USP1: variants seen among roughly 807,000 people sequenced by gnomAD.
USP1 encodes the protein ubiquitin specific peptidase 1.
A neutral mutation model predicts 72.2 loss-of-function variants in USP1; 18 were observed. The ratio of observed to expected loss-of-function variants is 0.25; its 90% CI spans 0.17 to 0.37. The LOEUF is 0.37. Ranked by LOEUF, USP1 falls within the 10% of genes least tolerant of loss-of-function variation. The probability of loss-of-function intolerance (pLI) is 1.00; values close to 1 mark genes in which losing one functional copy is unlikely to be tolerated. For synonymous variants in USP1, 354 were observed against 303.7 expected (o/e 1.17, Z -1.72); for missense variants, 759 against 884.9 (o/e 0.86, Z 1.81).
chr1:62,443,243 G>C lies in USP1; in HGVS notation c.481G>C (p.Ala161Pro). 6.2e-7 allele frequency: 1 copy of C among 1,614,016 alleles called. No individual in the cohort carries two copies. ...AATCATTTCGGTTGAACAGCTCCAGGCTAGTTTTCTCTTAAATCCAGAGAA... is the reference window on the plus strand; with the variant it reads ...AATCATTTCGGTTGAACAGCTCCAGCCTAGTTTTCTCTTAAATCCAGAGAA... ...SLIISVEQLQ[A>P]SFLLNPEKYT... Residue 161 changes from alanine to proline, a missense_variant, in exon 5 of 9, where the codon GCT becomes CCT. Coordinates refer to ENST00000339950, the MANE Select transcript of USP1 (RefSeq NM_003368.5).
At chr1:62,447,304 A>G in intron 6 of USP1, 37 bp from the exon 7 acceptor site, 1 of 1,568,478 alleles carries the variant, frequency 6.4e-7, no homozygotes, top group Non-Finnish European at 8.6e-7. Flanking sequence ...TGAGAAACTA[A>G]TCTGTATAGA....
intron 7 of USP1, among the ~76,000 whole-genome samples, chr1:62,447,753 T>C (rs951718705): frequency 2.0e-5 from 3 of 152,142 alleles, no homozygotes; most frequent in African/African-American, 7.2e-5. Flanking sequence ...ATAAGTGTAC[T>C]TTTGGGAACC....
intron 6 of USP1, among the ~76,000 whole-genome samples, chr1:62,445,724 A>G (rs1645167367): frequency 2.6e-5 from 4 of 152,188 alleles, no homozygotes; most frequent in South Asian, 4.1e-4. Context: ...CGCACCTGCA[A>G]TCCCAGTACT....
In USP1 at chr1:62,445,224, A is replaced by G; in HGVS notation, c.1044A>G (p.Gln348=). Residue 348 remains glutamine, a synonymous_variant, in exon 6 of 9, where the codon CAA becomes CAG. Coordinates refer to ENST00000339950, the MANE Select transcript of USP1 (RefSeq NM_003368.5). The part of the protein sequence containing the change: ...KINWLKSATK[Q]PSILSKFCSL... Reference sequence around the variant, plus strand: ...ATTGGTTAAAGTCTGCAACTAAGCAACCCAGCATTCTTTCTAAATTTTGTA... The same window carrying G: ...ATTGGTTAAAGTCTGCAACTAAGCAGCCCAGCATTCTTTCTAAATTTTGTA... The G allele has an allele frequency of 1.2e-6, 2 of 1,612,786 alleles. No individual in the cohort carries two copies. The highest frequency in any genetic ancestry group is 1.7e-6 in the Non-Finnish European group (2 of 1,179,702).
rs1235903414 is a variant in USP1, at chr1:62,450,722, A to G, written c.2099A>G (p.Asn700Ser). Residue 700 changes from asparagine (N) to serine (S), a missense_variant, in exon 9 of 9, where the codon AAT (asparagine) becomes AGT (serine). Around this residue, in one of 9 missense-constraint regions of USP1, gnomAD observed 159 missense variants for 140.9 expected, o/e 1.13. Coordinates refer to ENST00000339950, the MANE Select transcript of USP1 (RefSeq NM_003368.5). Reference protein sequence around the residue: ...VASTAFAENRNSETSDTTGTH... With the variant: ...VASTAFAENRSSETSDTTGTH... ...AGTACAGCGTTTGCTGAAAATAGAA[A>G]TTCTGAGACTAGTGATACTACTGGG... 1 of 1,614,040 alleles carries G rather than the reference A, an allele frequency of 6.2e-7. No homozygotes were observed. The highest frequency in any genetic ancestry group is 1.7e-5 in the Admixed American group (1 of 60,006).
rs1174370923 is a variant in USP1 at position 62,450,565 on chromosome 1, G to A, written c.1942G>A (p.Val648Ile). 1 of 1,613,872 alleles carries A rather than the reference G, an allele frequency of 6.2e-7. No individual in the cohort carries two copies. Among genetic ancestry groups the A allele is most frequent in the Non-Finnish European group, 8.5e-7 (1 of 1,180,022 alleles). Residue 648 changes from valine to isoleucine, a missense_variant, in exon 9 of 9, where the codon GTT becomes ATT. Val to Ile is a conservative substitution (Grantham distance 29, BLOSUM62 3). Transcript: ENST00000339950. ...NYNDEEVSIR[V>I]GGNTQPSKVL... The stretch of plus-strand genomic sequence containing the variant: ...TAATGATGAAGAAGTGTCAATTAGA[G>A]TTGGTGGAAATACACAGCCAAGTAA...
In USP1 at chr1:62,444,945, G is replaced by A; in HGVS notation, c.765G>A (p.Arg255=). The change falls in exon 6 of 9, where the codon AGG becomes AGA. Residue 255 remains arginine, a synonymous_variant. Coordinates refer to ENST00000339950, the MANE Select transcript of USP1 (RefSeq NM_003368.5). The stretch of plus-strand genomic sequence containing the variant: ...ACAGCATAGAGATGGACAGTATGAG[G>A]CATTCTGAAGACTTTAAAGAGAAAC... The part of the protein sequence containing the change: ...GINSIEMDSM[R]HSEDFKEKLP... 1 of 1,613,716 alleles carries A rather than the reference G, an allele frequency of 6.2e-7. No homozygotes were observed. Among genetic ancestry groups the A allele is most frequent in the Non-Finnish European group, 8.5e-7 (1 of 1,179,858 alleles).
At chr1:62,447,257 C>G (rs1645182206) in intron 6 of USP1, 84 bp from the exon 7 acceptor site, 3 of 1,322,222 alleles carry the variant, frequency 2.3e-6, no homozygotes, top group African/African-American at 3.0e-5. Context: ...TCATGATATA[C>G]TTTATTTAAA....
Position 62,450,602 on chromosome 1 carries a change from A to C in USP1, c.1979A>C (p.Lys660Thr), listed in dbSNP as rs1316852637. ...GNTQPSKVLNKKNVEAIGLLG... is the reference protein window; with the variant it reads ...GNTQPSKVLNTKNVEAIGLLG... ...ACACAGCCAAGTAAAGTTTTGAACA[A>C]AAAAAATGTAGAAGCTATTGGACTT... The change falls in exon 9 of 9, where the codon AAA (lysine) becomes ACA (threonine). Residue 660 changes from lysine (K) to threonine (T), a missense_variant. Physicochemically the swap from Lys to Thr is moderately conservative, Grantham distance 78. This residue lies in a region of USP1 where 159 missense variants were observed against 140.9 expected (regional missense o/e 1.13). Transcript: ENST00000339950. 6.2e-7 allele frequency: 1 copy of C among 1,614,024 alleles called. No individual in the cohort carries two copies. The highest frequency in any genetic ancestry group is 1.7e-5 in the Admixed American group (1 of 60,018).
At chr1:62,445,507 G>A (rs1455990053) in intron 6 of USP1, 78 bp downstream of exon 6, 6 of 1,291,548 alleles carry the variant, frequency 4.6e-6, no homozygotes, top group Non-Finnish European at 5.2e-6. Flanking sequence ...CTAGATACAT[G>A]TACAATATAA....
chr1:62,447,703 T>C (rs900026513), intron 7 of USP1, among the ~76,000 whole-genome samples, 192 bp downstream of exon 7: 5 of 152,184 alleles, frequency 3.3e-5, no homozygotes, highest in African/African-American at 1.2e-4. Context: ...ATCTTGATTT[T>C]GATGTAGAGT....
Position 62,443,273 on chromosome 1 carries a change from A to G in USP1, c.511A>G (p.Thr171Ala), listed in dbSNP as rs1363890610. 4 of 1,613,874 alleles carry G rather than the reference A, an allele frequency of 2.5e-6. No individual in the cohort carries two copies. The highest frequency in any genetic ancestry group is 2.5e-6 in the Non-Finnish European group (3 of 1,179,946). ...ASFLLNPEKYTDELATQPRRL... is the reference protein window; with the variant it reads ...ASFLLNPEKYADELATQPRRL... ...TTTTCTCTTAAATCCAGAGAAATAT[A>G]CTGATGAACTTGCCACTCAGCCAAG... Residue 171 changes from threonine (T) to alanine (A), a missense_variant, in exon 5 of 9, where the codon ACT becomes GCT. Physicochemically the swap from Thr to Ala is moderately conservative, Grantham distance 58 (BLOSUM62 0). Around this residue, in one of 9 missense-constraint regions of USP1, gnomAD observed 71 missense variants for 71.0 expected, o/e 1.00. Transcript: ENST00000339950.
chr1:62,439,898 G>A lies in USP1; in HGVS notation c.31G>A (p.Gly11Arg). Residue 11 changes from glycine (G) to arginine (R), a missense_variant, in exon 2 of 9, where the codon GGA becomes AGA. By Grantham distance (125) the Gly-to-Arg change is moderately radical (BLOSUM62 -2). Coordinates refer to ENST00000339950, the MANE Select transcript of USP1 (RefSeq NM_003368.5). Reference protein sequence around the residue: MPGVIPSESNGLSRGSPSKKN... With the variant: MPGVIPSESNRLSRGSPSKKN... ...TGGTGTCATACCTAGTGAAAGTAAT[G>A]GACTTTCAAGAGGTAGCCCTTCAAA... is the stretch of plus-strand genomic sequence containing the variant. 6.6e-7 allele frequency: 1 copy of A among 1,525,866 alleles called. No homozygotes were observed. 94.5% of individuals were successfully genotyped at this position (1,525,866 alleles called of 1,614,324 possible).
intron 3 of USP1, 25 bp from the exon 4 acceptor site, chr1:62,442,170 C>CT (rs1557554236): frequency 6.8e-7 from 1 of 1,460,518 alleles, no homozygotes; most frequent in Non-Finnish European, 9.5e-7. Context: ...TCAGTAAACA[C>CT]TTAAGACAAT....
intron 3 of USP1, 95 bp from the exon 4 acceptor site, chr1:62,442,100 G>A: frequency 1.1e-6 from 1 of 870,798 alleles, no homozygotes; most frequent in South Asian, 1.8e-5. Flanking sequence ...GGTAATACAT[G>A]TTAAAAGTGC....
Position 62,451,029 on chromosome 1 carries a change from A to C in USP1, c.*48A>C. On this transcript the variant is annotated 3_prime_UTR_variant, in exon 9 of 9. Coordinates refer to ENST00000339950, the MANE Select transcript of USP1 (RefSeq NM_003368.5). Reference sequence around the variant, plus strand: ...ATATATTAAACACACCCATACAAACATTGGTAAAGTTGATTACATCAAAGA... The same window carrying C: ...ATATATTAAACACACCCATACAAACCTTGGTAAAGTTGATTACATCAAAGA... 6.8e-7 allele frequency: 1 copy of C among 1,479,024 alleles called. No homozygotes were observed. The highest frequency in any genetic ancestry group is 9.0e-7 in the Non-Finnish European group (1 of 1,115,104). The allele number at this position is 1,479,024 out of a possible 1,614,324, so 91.6% of individuals were successfully genotyped here. A position where few individuals can be genotyped will look rare whatever the true frequency, so the allele number is the denominator to read the frequency against.
intron 5 of USP1, among the ~76,000 whole-genome samples, chr1:62,443,695 C>T (rs973748371): frequency 2.6e-5 from 4 of 152,040 alleles, no homozygotes; most frequent in East Asian, 3.9e-4. Context: ...TTTCTAAATG[C>T]GTGGTCCTAA....
intron 3 of USP1, 27 bp from the exon 4 acceptor site, chr1:62,442,168 C>A: frequency 7.0e-7 from 1 of 1,436,092 alleles, no homozygotes; most frequent in South Asian, 1.2e-5. Context: ...GTTCAGTAAA[C>A]ACTTAAGACA....
chr1:62,443,379 G>T, intron 5 of USP1, 60 bp downstream of exon 5: 1 of 1,458,524 alleles, frequency 6.9e-7, no homozygotes, highest in South Asian at 1.5e-5. Context: ...ATCCTTGGAG[G>T]AGAATGACAT....
Sources: allele counts gnomAD v4.1 joint callset (sites outside exome capture counted in the v4.1 genomes callset), GRCh38; gene constraint gnomAD v4.1.1; regional missense constraint gnomAD v4.1.1; transcripts MANE v1.5; gene names NCBI Gene and HGNC (gene_info 2026-07-23, HGNC 2026-07-21).